The following AGAP1 variants were observed in gnomAD, a reference collection of about 807,000 sequenced individuals.
AGAP1 encodes ArfGAP with GTPase domain, ankyrin repeat and PH domain 1.
AGAP1 carries 29 observed loss-of-function variants against 105.3 expected under a neutral mutation model. The ratio of observed to expected loss-of-function variants is 0.28; its 90% confidence interval spans 0.21 to 0.38. The LOEUF (loss-of-function observed/expected upper bound fraction) is 0.38. Ranked by LOEUF, AGAP1 falls within the 10% of genes least tolerant of loss-of-function variation. The pLI, the probability that AGAP1 is intolerant of heterozygous loss-of-function variation, is 1.00. For missense variants in AGAP1, 998 were observed against 1,165.1 expected (o/e 0.86, Z 2.09); for synonymous variants, 509 against 485.9 (o/e 1.05, Z -0.63).
chr2:235,701,454 G>C lies in AGAP1; in HGVS notation c.164-7725G>C, dbSNP rs1275134225. Among the ~76,000 whole-genome samples, 1 of 152,162 alleles carries C rather than the reference G, an allele frequency of 6.6e-6. No homozygotes were observed. The highest frequency in any genetic ancestry group is 1.5e-5 in the Non-Finnish European group (1 of 68,030). On this transcript the variant is annotated intron_variant, in intron 1 of 17. Coordinates refer to ENST00000304032, the MANE Select transcript of AGAP1 (RefSeq NM_001037131.3). This position sits in a 1 kb window ranked among gnomAD's most constrained non-coding sequence, Gnocchi z 4.1. ...TCGTCACCCTGCACTGAGAGGGCCT[G>C]GTGAATGGCAAGGTCAGGGGATGCT...
rs549883575 is a variant in AGAP1, at chr2:235,612,801, G to A, written c.164-96378G>A. 2.6e-5 allele frequency among the ~76,000 whole-genome samples: 4 copies of A among 152,224 alleles called. No homozygotes were observed. Among genetic ancestry groups the A allele is most frequent in the East Asian group, 3.9e-4 (2 of 5,154 alleles). ...CTGCTTCCAGGTTGGCCTGCCAGCC[G>A]ATGTTGTGATCTTGTGGAGGGAATG... On this transcript the variant is annotated intron_variant, in intron 1 of 17. Coordinates refer to ENST00000304032, the MANE Select transcript of AGAP1 (RefSeq NM_001037131.3). This position sits in a 1 kb window ranked among gnomAD's most constrained non-coding sequence, Gnocchi z 4.3.
Position 235,908,646 on chromosome 2 carries a change from A to G in AGAP1, c.1156-92A>G. The stretch of plus-strand genomic sequence containing the variant: ...CACAGTGGAAGGGTCATAGGGTTTT[A>G]ACTCATGACGTCTGATAGACCCTTT... On this transcript the variant is annotated intron_variant, in intron 10 of 17. Coordinates refer to ENST00000304032, the MANE Select transcript of AGAP1 (RefSeq NM_001037131.3). This position sits in a 1 kb window ranked among gnomAD's most constrained non-coding sequence, Gnocchi z 4.4. 1.6e-6 allele frequency: 2 copies of G among 1,245,744 alleles called. No homozygotes were observed. Among genetic ancestry groups the G allele is most frequent in the South Asian group, 1.6e-5 (1 of 64,288 alleles). The allele number at this position is 1,245,744 out of a possible 1,614,324, so 77.2% of individuals were successfully genotyped here.
chr2:236,115,427 C>T (rs1326122057), intron 16 of AGAP1, among the ~76,000 whole-genome samples: 1 of 152,220 alleles, frequency 6.6e-6, no homozygotes, highest in African/African-American at 2.4e-5. Flanking sequence ...CACAGTCTCT[C>T]TAATGCTTAA....
chr2:235,515,024 C>T (rs928100822), intron 1 of AGAP1, among the ~76,000 whole-genome samples: 1 of 152,110 alleles, frequency 6.6e-6, no homozygotes, highest in African/African-American at 2.4e-5. Flanking sequence ...TTGGGAGTTG[C>T]CATCAGAATT....
At chr2:235,819,509 G>C (rs967857183) in intron 9 of AGAP1, among the ~76,000 whole-genome samples, 4 of 152,116 alleles carry the variant, frequency 2.6e-5, no homozygotes, top group African/African-American at 9.7e-5. Context: ...GAGTCACTTA[G>C]GGCTTCTTTC....
At position 235,721,239 on chromosome 2, in the gene AGAP1, CT is replaced by C. The variant is rs1951366873; in HGVS notation, c.310+3597del. The stretch of plus-strand genomic sequence containing the variant: ...GCCAGACTGGTCTTGAACTCCTGAC[CT>C]TAAGTGATCCACCTGCCTGGGCCTC... On this transcript the variant is annotated intron_variant, in intron 3 of 17. Coordinates refer to ENST00000304032, the MANE Select transcript of AGAP1 (RefSeq NM_001037131.3). This position sits in a 1 kb window ranked among gnomAD's most constrained non-coding sequence, Gnocchi z 4.5. 6.6e-6 allele frequency among the ~76,000 whole-genome samples: 1 copy of C among 152,110 alleles called. No individual in the cohort carries two copies. The highest frequency in any genetic ancestry group is 2.1e-4 in the South Asian group (1 of 4,826).
At chr2:235,774,778 A>G (rs1331124135) in intron 6 of AGAP1, among the ~76,000 whole-genome samples, 1 of 152,124 alleles carries the variant, frequency 6.6e-6, no homozygotes, top group African/African-American at 2.4e-5. Context: ...GTCCTAAAGT[A>G]ATTACTAACC....
intron 6 of AGAP1, among the ~76,000 whole-genome samples, chr2:235,759,889 T>C (rs912248266): frequency 4.6e-5 from 7 of 152,184 alleles, no homozygotes; most frequent in African/African-American, 1.7e-4. Context: ...TTTTGTATAG[T>C]AAACCATACA....
chr2:235,570,854 G>A (rs1470754092), intron 1 of AGAP1, among the ~76,000 whole-genome samples: 1 of 152,182 alleles, frequency 6.6e-6, no homozygotes. Context: ...ACTGCTGCTC[G>A]AGGAATCTCA....
rs952824881 is a variant in AGAP1, at chr2:235,792,173, G to A, written c.674-5586G>A. Among the ~76,000 whole-genome samples the A allele has an allele frequency of 6.6e-6, 1 of 152,074 alleles. No homozygotes were observed. The highest frequency in any genetic ancestry group is 1.5e-5 in the Non-Finnish European group (1 of 68,030). ...CAGAGGAACCCTCTTCCCAAACGTG[G>A]GCTTGATTTACACCGAGTCATTAGT... On this transcript the variant is annotated intron_variant, in intron 6 of 17. Coordinates refer to ENST00000304032, the MANE Select transcript of AGAP1 (RefSeq NM_001037131.3). This position sits in a 1 kb window ranked among gnomAD's most constrained non-coding sequence, Gnocchi z 5.3.
chr2:235,844,728 C>A (rs1175773784), intron 9 of AGAP1, among the ~76,000 whole-genome samples: 1 of 152,302 alleles, frequency 6.6e-6, no homozygotes, highest in African/African-American at 2.4e-5. Context: ...CGAACCTGGG[C>A]ACACAGTGTT....
chr2:236,054,341 C>T (rs952367135), intron 16 of AGAP1, among the ~76,000 whole-genome samples: 4 of 152,050 alleles, frequency 2.6e-5, no homozygotes, highest in Admixed American at 6.5e-5. Flanking sequence ...CAAATGTGGC[C>T]TCAGGGAACA....
intron 9 of AGAP1, among the ~76,000 whole-genome samples, chr2:235,844,540 C>A (rs1046365528): frequency 2.6e-5 from 4 of 152,094 alleles, no homozygotes; most frequent in African/African-American, 9.7e-5. Context: ...AGAAATAGTC[C>A]CCAAGTCACC....
chr2:235,913,663 T>G (rs1417894969), intron 11 of AGAP1, among the ~76,000 whole-genome samples: 1 of 152,310 alleles, frequency 6.6e-6, no homozygotes, highest in Admixed American at 6.5e-5. Flanking sequence ...ATCTTCCAGT[T>G]TTTCTTGGCT....
chr2:235,822,045 A>G (rs1472028352), intron 9 of AGAP1, among the ~76,000 whole-genome samples: 1 of 152,184 alleles, frequency 6.6e-6, no homozygotes, highest in African/African-American at 2.4e-5. Flanking sequence ...TCCTGGGAAC[A>G]CTGACCTTGG....
intron 1 of AGAP1, among the ~76,000 whole-genome samples, chr2:235,545,133 C>A (rs778390580): frequency 6.6e-6 from 1 of 152,136 alleles, no homozygotes; most frequent in Non-Finnish European, 1.5e-5. Flanking sequence ...CCATGTGGTC[C>A]ATGATATGGG....
chr2:235,598,994 G>T (rs1945637801), intron 1 of AGAP1, among the ~76,000 whole-genome samples: 1 of 152,158 alleles, frequency 6.6e-6, no homozygotes, highest in African/African-American at 2.4e-5. Context: ...TCTTCCTCTT[G>T]TTGACATTTG....
rs553999435 is a variant in AGAP1 at position 235,736,372 on chromosome 2, G to A, written c.311-4591G>A. 2.6e-5 allele frequency among the ~76,000 whole-genome samples: 4 copies of A among 152,146 alleles called. No individual in the cohort carries two copies. The highest frequency in any genetic ancestry group is 3.4e-3 in the Middle Eastern group (1 of 294). ...GAAGTTATGCTGATGTCATTTAATC[G>A]TACGTCATCATAATTGGCAGCAGAG... On this transcript the variant is annotated intron_variant, in intron 3 of 17. Transcript: ENST00000304032. This position sits in a 1 kb window ranked among gnomAD's most constrained non-coding sequence, Gnocchi z 5.5.
At position 236,090,776 on chromosome 2, in the gene AGAP1, G is replaced by T. The variant is rs979055059; in HGVS notation, c.2115-29416G>T. On this transcript the variant is annotated intron_variant, in intron 16 of 17. Coordinates refer to ENST00000304032, the MANE Select transcript of AGAP1 (RefSeq NM_001037131.3). This position sits in a 1 kb window ranked among gnomAD's most constrained non-coding sequence, Gnocchi z 4.3. Reference sequence around the variant, plus strand: ...TTTTTTGAGACAGAGTTTGGTTCTTGTTGCCCAGCCTGGAGTGCAGTGGCA... The same window carrying T: ...TTTTTTGAGACAGAGTTTGGTTCTTTTTGCCCAGCCTGGAGTGCAGTGGCA... Among the ~76,000 whole-genome samples, 1 of 152,074 alleles carries T rather than the reference G, an allele frequency of 6.6e-6. No homozygotes were observed. Among genetic ancestry groups the T allele is most frequent in the Non-Finnish European group, 1.5e-5 (1 of 68,032 alleles).
Sources: allele counts gnomAD v4.1 joint callset (sites outside exome capture counted in the v4.1 genomes callset), GRCh38; gene constraint gnomAD v4.1.1; non-coding constraint Gnocchi (gnomAD v3.1); transcripts MANE v1.5; gene names NCBI Gene and HGNC (gene_info 2026-07-23, HGNC 2026-07-21).